SLCO6A1: variants seen among roughly 807,000 people sequenced by gnomAD.
The protein encoded by SLCO6A1 is solute carrier organic anion transporter family member 6A1, also known as cancer/testis antigen 48.
Under a neutral mutation model 72.7 loss-of-function variants are expected in SLCO6A1, and 65 were observed. The ratio of observed to expected loss-of-function variants is 0.89; its 90% CI spans 0.73 to 1.10. SLCO6A1 has a LOEUF of 1.10. Ranked by LOEUF, SLCO6A1 falls within the 50% of genes least tolerant of loss-of-function variation. The pLI, the probability that SLCO6A1 is intolerant of heterozygous loss-of-function variation, is 0.00. For synonymous variants in SLCO6A1, 314 were observed against 298.2 expected, an observed-to-expected ratio of 1.05 and a Z score of -0.55; for missense variants, 874 against 872.6, an observed-to-expected ratio of 1.00 and a Z score of -0.02.
rs758871147 is a variant in SLCO6A1 at position 102,419,887 on chromosome 5, A to G, written c.1411T>C (p.Phe471Leu). The G allele has an allele frequency of 5.0e-6, 8 of 1,607,926 alleles. No homozygotes were observed. In the East Asian group the frequency reaches 1.8e-4, roughly 36 times the overall value. Residue 471 changes from phenylalanine to leucine, a missense_variant, in exon 8 of 14, where the codon TTT (phenylalanine) becomes CTT (leucine). Physicochemically the swap from Phe to Leu is conservative, Grantham distance 22. Transcript: ENST00000506729. Reference protein sequence around the residue: ...TSVISLILLVFIIFVRCNPVQ... With the variant: ...TSVISLILLVLIIFVRCNPVQ... ...GGATTACAGCGTACAAAAATAATAA[A>G]CACAAGCAGTATAAGTGATATCACA...
At chr5:102,389,456 C>CCCCCCCCA (rs376461607) in intron 11 of SLCO6A1, among the ~76,000 whole-genome samples, 3 of 81,850 alleles carry the variant, frequency 3.7e-5, no homozygotes, top group South Asian at 5.2e-4. Flanking sequence ...CCCCCCACCC[C>CCCCCCCCA]CACACACACA....
chr5:102,424,931 C>A (rs1469662236), intron 7 of SLCO6A1, among the ~76,000 whole-genome samples: 1 of 152,094 alleles, frequency 6.6e-6, no homozygotes, highest in Non-Finnish European at 1.5e-5. Context: ...ATAATCAAGT[C>A]ATCTTCATTC....
intron 1 of SLCO6A1, among the ~76,000 whole-genome samples, chr5:102,491,155 T>A (rs13172800): frequency 6.6e-6 from 1 of 152,160 alleles, no homozygotes; most frequent in African/African-American, 2.4e-5. Flanking sequence ...AGTAGCTAAA[T>A]ACAGAGTGTC....
At chr5:102,488,455 C>T (rs1470498528) in intron 1 of SLCO6A1, among the ~76,000 whole-genome samples, 2 of 152,136 alleles carry the variant, frequency 1.3e-5, no homozygotes, top group South Asian at 4.1e-4. Context: ...TGAACAACTC[C>T]CTTTGATATA....
At chr5:102,447,714 G>C (rs1171979837) in intron 6 of SLCO6A1, among the ~76,000 whole-genome samples, 3 of 152,030 alleles carry the variant, frequency 2.0e-5, no homozygotes, top group African/African-American at 7.2e-5. Flanking sequence ...GAGGTTAGTG[G>C]TAATTTCCCC....
Position 102,371,887 on chromosome 5 carries a change from C to A in SLCO6A1, c.*252G>T, listed in dbSNP as rs1323900735. ...ATGTAAATAATCTAAAATTATTAAA[C>A]TTTAATTCTCCCAGTAAATCCTAAA... On this transcript the variant is annotated 3_prime_UTR_variant, in exon 14 of 14. Transcript: ENST00000506729. 6.6e-6 allele frequency: 1 copy of A among 151,910 alleles called. No homozygotes were observed. Among genetic ancestry groups the A allele is most frequent in the African/African-American group, 2.4e-5 (1 of 41,424 alleles). 9.4% of individuals were successfully genotyped at this position (151,910 alleles called of 1,614,324 possible).
At chr5:102,465,465 C>T (rs1751265079) in intron 4 of SLCO6A1, among the ~76,000 whole-genome samples, 1 of 152,072 alleles carries the variant, frequency 6.6e-6, no homozygotes, top group Admixed American at 6.6e-5. Context: ...CTTATTTCCC[C>T]ACTACCCTAT....
intron 6 of SLCO6A1, among the ~76,000 whole-genome samples, chr5:102,449,351 C>T (rs965175254): frequency 7.3e-5 from 11 of 151,496 alleles, no homozygotes; most frequent in Non-Finnish European, 1.3e-4. Context: ...TGGGGATAGT[C>T]ATCTTGTATA....
At chr5:102,411,666 A>G (rs1747991121) in intron 9 of SLCO6A1, among the ~76,000 whole-genome samples, 7 of 151,640 alleles carry the variant, frequency 4.6e-5, no homozygotes, top group Admixed American at 4.6e-4. Flanking sequence ...TTCAAACCAT[A>G]AATTCTCATC....
At chr5:102,378,387 G>T (rs971619062) in intron 12 of SLCO6A1, among the ~76,000 whole-genome samples, 1 of 151,992 alleles carries the variant, frequency 6.6e-6, no homozygotes, top group Non-Finnish European at 1.5e-5. Flanking sequence ...CCCAACTCAG[G>T]CTTCCCAAAG....
chr5:102,457,197 G>A (rs1351512441), intron 6 of SLCO6A1, among the ~76,000 whole-genome samples: 1 of 152,160 alleles, frequency 6.6e-6, no homozygotes, highest in Non-Finnish European at 1.5e-5. Context: ...CATGGGCAAG[G>A]ACTTCATGTC....
rs1748116391 is a variant in SLCO6A1, at chr5:102,413,704, T to C, written c.1473-561A>G. Among the ~76,000 whole-genome samples, 4 of 152,204 alleles carry C rather than the reference T, an allele frequency of 2.6e-5. 1 individual carries two copies. The highest frequency in any genetic ancestry group is 1.9e-4 in the East Asian group (1 of 5,194). On this transcript the variant is annotated intron_variant, in intron 8 of 13. Transcript: ENST00000506729. ...TAAGAAACTGTCAGTTTTTCAGAAC[T>C]GTTGTGATATTTTACATTTCCATCA... is the stretch of plus-strand genomic sequence containing the variant.
intron 9 of SLCO6A1, among the ~76,000 whole-genome samples, chr5:102,404,944 G>A (rs1207433784): frequency 2.0e-5 from 3 of 152,176 alleles, no homozygotes; most frequent in East Asian, 1.9e-4. Flanking sequence ...ATGAAAAATC[G>A]TGCCTAAATT....
intron 7 of SLCO6A1, among the ~76,000 whole-genome samples, chr5:102,423,219 T>C (rs1231886448): frequency 6.6e-6 from 1 of 152,132 alleles, no homozygotes; most frequent in Admixed American, 6.6e-5. Flanking sequence ...CATCAACTAC[T>C]GTGCAAAATA....
At chr5:102,449,339 C>T (rs893425366) in intron 6 of SLCO6A1, among the ~76,000 whole-genome samples, 1 of 151,532 alleles carries the variant, frequency 6.6e-6, no homozygotes, top group African/African-American at 2.4e-5. Flanking sequence ...AACTATGTCT[C>T]TTGGGGATAG....
chr5:102,435,099 C>A (rs886459826), intron 7 of SLCO6A1, among the ~76,000 whole-genome samples: 1 of 152,158 alleles, frequency 6.6e-6, no homozygotes, highest in African/African-American at 2.4e-5. Context: ...CAATAAAAGA[C>A]CTCAGAGTTT....
At chr5:102,398,602 A>G (rs1038251768) in intron 10 of SLCO6A1, among the ~76,000 whole-genome samples, 2 of 152,152 alleles carry the variant, frequency 1.3e-5, no homozygotes, top group South Asian at 4.1e-4. Context: ...TGAGGTTTGC[A>G]GTTTTCAGTG....
chr5:102,454,376 T>C (rs1362516409), intron 6 of SLCO6A1, among the ~76,000 whole-genome samples: 1 of 152,256 alleles, frequency 6.6e-6, no homozygotes, highest in Non-Finnish European at 1.5e-5. Context: ...ATTTATTGTA[T>C]GCCTTTGCTT....
intron 6 of SLCO6A1, among the ~76,000 whole-genome samples, chr5:102,439,021 A>G (rs1381726371): frequency 1.3e-5 from 2 of 151,968 alleles, no homozygotes; most frequent in Non-Finnish European, 2.9e-5. Context: ...TCTTCATACT[A>G]CTTTAATTTT....
Sources: gnomAD v4.1 joint callset for allele counts (sites outside exome capture counted in the v4.1 genomes callset) on GRCh38, gnomAD v4.1.1 for gene constraint, MANE v1.5 for transcripts, NCBI Gene and HGNC (gene_info 2026-07-23, HGNC 2026-07-21) for gene names.